OTOG: variants seen among roughly 807,000 people sequenced by gnomAD.
OTOG encodes the protein otogelin.
In OTOG, 296 loss-of-function variants were observed where a neutral mutation model predicts 313.8. The ratio of observed to expected loss-of-function variants is 0.94; its 90% CI spans 0.86 to 1.04. The LOEUF (loss-of-function observed/expected upper bound fraction) is 1.04, where lower values mean the gene tolerates loss of function less well. Ranked by LOEUF, OTOG falls within the 50% of genes least tolerant of loss-of-function variation. The pLI, the probability that OTOG is intolerant of heterozygous loss-of-function variation, is 0.00. For missense variants in OTOG, 3,948 were observed against 3,840.1 expected (o/e 1.03, Z -0.74); for synonymous variants, 1,533 against 1,554.9 (o/e 0.99, Z 0.33).
Position 17,634,853 on chromosome 11 carries a change from A to T in OTOG, c.7490A>T (p.Gln2497Leu). The change falls in exon 45 of 56, where the codon CAG becomes CTG. Residue 2497 changes from glutamine to leucine, a missense_variant. Transcript: ENST00000399397. ...CCLGTVCVCN[Q>L]TLCEGLAPTC... ...TGGTCCCCGGGGCCAGTGTGTAACC[A>T]GACTCTGTGTGAGGGTCTCGCCCCC... The T allele has an allele frequency of 6.5e-7, 1 of 1,549,362 alleles. No individual in the cohort carries two copies. The highest frequency in any genetic ancestry group is 1.2e-5 in the South Asian group (1 of 83,990).
At chr11:17,630,237 G>A (rs138090856) in intron 40 of OTOG, among the ~76,000 whole-genome samples, 524 of 152,164 alleles carry the variant, frequency 3.4e-3, no homozygotes, top group Non-Finnish European at 5.6e-3. Flanking sequence ...TTACACACAT[G>A]CCACCATCCC....
intron 47 of OTOG, 149 bp downstream of exon 47, chr11:17,635,860 G>C: frequency 3.0e-6 from 2 of 670,936 alleles, no homozygotes; most frequent in Non-Finnish European, 5.2e-6. Context: ...TCCAGGACGA[G>C]TGCAGGCCCA....
In OTOG at chr11:17,561,123, C is replaced by T. The variant is rs1178517246; in HGVS notation, c.1484C>T (p.Thr495Ile). The T allele has an allele frequency of 1.9e-6, 3 of 1,550,582 alleles. No homozygotes were observed. Among genetic ancestry groups the T allele is most frequent in the Middle Eastern group, 1.7e-4 (1 of 5,992 alleles). The change falls in exon 14 of 56, where the codon ACA becomes ATA. Residue 495 changes from threonine (T) to isoleucine (I), a missense_variant. By Grantham distance (89) the Thr-to-Ile change is moderately conservative. Transcript: ENST00000399397. ...ACCTCAGGCAAGTGGGAGTGCAGCA[C>T]AGCTGTCTGCCCAGGTATGTCTGCC... ...TCTSGKWECSTAVCPAECSVT... is the reference protein window; with the variant it reads ...TCTSGKWECSIAVCPAECSVT...
chr11:17,634,862 G>T lies in OTOG; in HGVS notation c.7499G>T (p.Cys2500Phe), dbSNP rs927601597. Residue 2500 changes from cysteine to phenylalanine, a missense_variant, in exon 45 of 56, where the codon TGT becomes TTT. Coordinates refer to ENST00000399397, the MANE Select transcript of OTOG (RefSeq NM_001292063.2). ...GTVCVCNQTL[C>F]EGLAPTCRPG... is the part of the protein sequence containing the mutation. ...GGGCCAGTGTGTAACCAGACTCTGT[G>T]TGAGGGTCTCGCCCCCACATGCCGC... 9.0e-6 allele frequency: 14 copies of T among 1,549,450 alleles called. No individual in the cohort carries two copies. The Middle Eastern group carries it at 5.4e-4, about 60-fold the overall frequency.
At chr11:17,571,948 T>C in intron 17 of OTOG, 132 bp from the exon 18 acceptor site, 1 of 1,194,200 alleles carries the variant, frequency 8.4e-7, no homozygotes, top group Non-Finnish European at 1.2e-6. Context: ...CCTCTGAGTG[T>C]GTGTATATGG....
At chr11:17,582,805 CT>C (rs1378050266) in intron 23 of OTOG, among the ~76,000 whole-genome samples, 1 of 151,820 alleles carries the variant, frequency 6.6e-6, no homozygotes, top group Non-Finnish European at 1.5e-5. Flanking sequence ...TAAATTTGGT[CT>C]TTTTTTATTT....
intron 3 of OTOG, among the ~76,000 whole-genome samples, 170 bp from the exon 4 acceptor site, chr11:17,551,830 T>G (rs1408416988): frequency 6.6e-6 from 1 of 152,020 alleles, no homozygotes; most frequent in Non-Finnish European, 1.5e-5. Context: ...CTAAACATTC[T>G]CCTCTGCCTC....
At chr11:17,578,166 G>C in intron 22 of OTOG, 1 of 1,134,330 alleles carries the variant, frequency 8.8e-7, no homozygotes. Context: ...GGTCCTGGTG[G>C]CCGCAGTCTT....
chr11:17,593,916 C>T (rs953908984), intron 27 of OTOG, 131 bp from the exon 28 acceptor site: 3 of 1,403,486 alleles, frequency 2.1e-6, no homozygotes, highest in African/African-American at 2.9e-5. Context: ...ATTGCTCCAT[C>T]CCTCTTCAAA....
intron 23 of OTOG, among the ~76,000 whole-genome samples, chr11:17,584,657 C>T (rs1317649883): frequency 6.6e-6 from 1 of 152,058 alleles, no homozygotes. Flanking sequence ...TCCAGAGTAG[C>T]TGGGATTACA....
intron 6 of OTOG, 114 bp from the exon 7 acceptor site, chr11:17,555,665 C>A: frequency 2.6e-6 from 2 of 761,260 alleles, no homozygotes; most frequent in Non-Finnish European, 4.4e-6. Flanking sequence ...AGAGGAAAGG[C>A]AGTTGGTATG....
chr11:17,643,913 G>C (rs1848023057), intron 54 of OTOG, among the ~76,000 whole-genome samples: 1 of 152,214 alleles, frequency 6.6e-6, no homozygotes, highest in Admixed American at 6.5e-5. Context: ...AGGCCTCCAG[G>C]GTCCCTGACA....
At position 17,593,271 on chromosome 11, in the gene OTOG, A is replaced by G; in HGVS notation, c.3085A>G (p.Ile1029Val). 1 of 1,550,492 alleles carries G rather than the reference A, an allele frequency of 6.4e-7. No individual in the cohort carries two copies. Among genetic ancestry groups the G allele is most frequent in the Non-Finnish European group, 8.7e-7 (1 of 1,146,924 alleles). Residue 1029 changes from isoleucine (I) to valine (V), a missense_variant, in exon 26 of 56, where the codon ATT (isoleucine) becomes GTT (valine). By Grantham distance (29) the Ile-to-Val change is conservative. Transcript: ENST00000399397. ...CTCTGGCATGATCTGCAGGAAATTT[A>G]TTTCCATCAACGTTGGGAACTCACT... ...YSSGMICRKF[I>V]SINVGNSLIV...
intron 17 of OTOG, among the ~76,000 whole-genome samples, chr11:17,571,339 T>A (rs376861062): frequency 6.6e-6 from 1 of 152,122 alleles, no homozygotes; most frequent in East Asian, 1.9e-4. Context: ...ATAATATGAG[T>A]GTACTCATTG....
In OTOG at chr11:17,641,132, G is replaced by A. The variant is rs1312156517; in HGVS notation, c.8190+41G>A. On this transcript the variant is annotated intron_variant, in intron 51 of 55. Transcript: ENST00000399397. ...GGGCGGGGTGGGTGGGGTTGGGAGG[G>A]CTTGCCTGGCAGACCTTGGGTGCTC... is the stretch of plus-strand genomic sequence containing the variant. The A allele has an allele frequency of 3.3e-6, 5 of 1,496,528 alleles. No homozygotes were observed. In the East Asian group the frequency reaches 1.2e-4, roughly 37 times the overall value. 92.7% of individuals were successfully genotyped at this position (1,496,528 alleles called of 1,614,324 possible).
At chr11:17,604,654 G>A (rs1056167279) in intron 32 of OTOG, among the ~76,000 whole-genome samples, 1 of 152,228 alleles carries the variant, frequency 6.6e-6, no homozygotes, top group African/African-American at 2.4e-5. Context: ...CCCCAGGATG[G>A]TGAGCTCCAT....
At chr11:17,639,044 C>G (rs1565130086) in intron 48 of OTOG, 9 of 313,188 alleles carry the variant, frequency 2.9e-5, no homozygotes, top group Non-Finnish European at 5.5e-5. Context: ...CAGAGTGAGA[C>G]TCCATCTCAA....
chr11:17,558,696 G>A lies in OTOG; in HGVS notation c.1103+52G>A, dbSNP rs1852109246. ...GGAACCCTCTAGTATTGGGGTGAGTGCTCAGCACACGGGCCATCAAACTGG... is the reference window on the plus strand; with the variant it reads ...GGAACCCTCTAGTATTGGGGTGAGTACTCAGCACACGGGCCATCAAACTGG... On this transcript the variant is annotated intron_variant, in intron 10 of 55. Transcript: ENST00000399397. The A allele has an allele frequency of 2.7e-6, 4 of 1,497,830 alleles. No homozygotes were observed. The South Asian group carries it at 3.6e-5, about 13-fold the overall frequency. The allele number at this position is 1,497,830 out of a possible 1,614,324, so 92.8% of individuals were successfully genotyped here.
At chr11:17,605,329 T>C (rs1398029112) in intron 32 of OTOG, among the ~76,000 whole-genome samples, 1 of 152,174 alleles carries the variant, frequency 6.6e-6, no homozygotes, top group Non-Finnish European at 1.5e-5. Context: ...CCTCTCCCTA[T>C]CTATGAGTTG....
Sources: allele counts gnomAD v4.1 joint callset (sites outside exome capture counted in the v4.1 genomes callset), GRCh38; gene constraint gnomAD v4.1.1; transcripts MANE v1.5; gene names NCBI Gene and HGNC (gene_info 2026-07-23, HGNC 2026-07-21).